NFATC2: variants seen among roughly 807,000 people sequenced by gnomAD.
NFATC2 encodes the protein nuclear factor of activated T cells 2.
Under a neutral mutation model 87.3 loss-of-function variants are expected in NFATC2, and 22 were observed. The observed-to-expected ratio is 0.25, with a 90% CI of 0.18 to 0.36. The LOEUF is 0.36. Among genes scored for constraint, NFATC2 ranks in the 10% least tolerant of loss-of-function variants. NFATC2 has a pLI of 1.00. For missense variants in NFATC2, 1,149 were observed against 1,259.1 expected, an observed-to-expected ratio of 0.91 and a Z score of 1.32; for synonymous variants, 565 against 542.2, an observed-to-expected ratio of 1.04 and a Z score of -0.58.
intron 8 of NFATC2, among the ~76,000 whole-genome samples, chr20:51,434,225 AGGCTGCC>A (rs1983224065): frequency 1.3e-5 from 2 of 148,474 alleles, no homozygotes; most frequent in African/African-American, 4.9e-5. Context: ...CACCAAGGCA[AGGCTGCC>A]AGGGCAGTCA....
At chr20:51,394,122 C>G (rs552803121) in intron 10 of NFATC2, among the ~76,000 whole-genome samples, 2 of 152,254 alleles carry the variant, frequency 1.3e-5, no homozygotes, top group East Asian at 3.9e-4. Flanking sequence ...GCCCAAACCT[C>G]TCTGGGTAGG....
chr20:51,432,908 A>G lies in NFATC2; in HGVS notation c.2033-152T>C, dbSNP rs531744786. The G allele has an allele frequency of 1.7e-6, 1 of 598,828 alleles. No individual in the cohort carries two copies. Among genetic ancestry groups the G allele is most frequent in the South Asian group, 3.4e-5 (1 of 29,130 alleles). The allele number at this position is 598,828 out of a possible 1,614,324, so 37.1% of individuals were successfully genotyped here. A position where few individuals can be genotyped will look rare whatever the true frequency, so the allele number is the denominator to read the frequency against. ...CCTGTCACTTATCAGCCTTGGGCAA[A>G]AGGCTCCCCATGCAATTGTCTTAGG... is the stretch of plus-strand genomic sequence containing the variant. On this transcript the variant is annotated intron_variant, in intron 8 of 10. Coordinates refer to ENST00000371564, the MANE Select transcript of NFATC2 (RefSeq NM_012340.5). The surrounding 1 kb of genome is among the most constrained non-coding windows in gnomAD (Gnocchi z 4.6).
chr20:51,452,719 C>G (rs1339177671), intron 6 of NFATC2, among the ~76,000 whole-genome samples: 1 of 152,240 alleles, frequency 6.6e-6, no homozygotes, highest in Non-Finnish European at 1.5e-5. Context: ...ACAAAACAAT[C>G]TCGACACTCA....
At chr20:51,494,857 T>G (rs2075961829) in intron 3 of NFATC2, among the ~76,000 whole-genome samples, 1 of 152,120 alleles carries the variant, frequency 6.6e-6, no homozygotes, top group East Asian at 1.9e-4. Flanking sequence ...CTCTGTCCAC[T>G]GAGAAAAGCC....
At chr20:51,495,781 T>C (rs965596628) in intron 3 of NFATC2, among the ~76,000 whole-genome samples, 1 of 152,214 alleles carries the variant, frequency 6.6e-6, no homozygotes, top group Non-Finnish European at 1.5e-5. Flanking sequence ...TCCCATGCAC[T>C]GGCTGGGTCT....
chr20:51,442,276 A>T (rs545459051), intron 6 of NFATC2, among the ~76,000 whole-genome samples: 18 of 152,272 alleles, frequency 1.2e-4, no homozygotes, highest in Admixed American at 9.8e-4. Context: ...TACTAAAAAT[A>T]CAAAAATTAG....
chr20:51,392,710 C>G (rs1001814613), intron 10 of NFATC2, among the ~76,000 whole-genome samples: 1 of 152,180 alleles, frequency 6.6e-6, no homozygotes, highest in Non-Finnish European at 1.5e-5. Context: ...CCTCCTCATA[C>G]TTCCTTTTCT....
chr20:51,440,363 T>C (rs190555510), intron 6 of NFATC2, among the ~76,000 whole-genome samples: 46 of 152,228 alleles, frequency 3.0e-4, no homozygotes, highest in African/African-American at 1.0e-3. Context: ...GTGTCAATAC[T>C]GAGAAAAACA....
At chr20:51,405,498 C>G (rs978363879) in intron 9 of NFATC2, among the ~76,000 whole-genome samples, 1 of 152,194 alleles carries the variant, frequency 6.6e-6, no homozygotes, top group South Asian at 2.1e-4. Flanking sequence ...AGCTTGGCAT[C>G]AGATAGGCAA....
rs529521176 is a variant in NFATC2, at chr20:51,508,885, T to C, written c.1332+7899A>G. ...GCCACCATCCCCTCTGGCCTGGGCC[T>C]CTGCAGCAGCTTCTCCCTGTCCACA... On this transcript the variant is annotated intron_variant, in intron 3 of 10. Transcript: ENST00000371564. 3.0e-4 allele frequency among the ~76,000 whole-genome samples: 45 copies of C among 151,788 alleles called. No homozygotes were observed. In the South Asian group the frequency reaches 9.0e-3, roughly 30 times the overall value.
At chr20:51,417,908 C>T (rs914311691) in intron 9 of NFATC2, among the ~76,000 whole-genome samples, 2 of 152,238 alleles carry the variant, frequency 1.3e-5, no homozygotes, top group African/African-American at 4.8e-5. Context: ...CTAAAGGAGG[C>T]GGCATCCACA....
At chr20:51,528,786 G>A (rs146363394) in intron 1 of NFATC2, among the ~76,000 whole-genome samples, 1 of 152,188 alleles carries the variant, frequency 6.6e-6, no homozygotes, top group Non-Finnish European at 1.5e-5. Flanking sequence ...GAAATGAAGA[G>A]TGCAGTCCTG....
intron 10 of NFATC2, among the ~76,000 whole-genome samples, chr20:51,396,336 G>C (rs1313800308): frequency 6.6e-6 from 1 of 152,016 alleles, no homozygotes; most frequent in African/African-American, 2.4e-5. Context: ...CAGGATGGCT[G>C]CTCAGGATTA....
rs537428249 is a variant in NFATC2 at position 51,474,705 on chromosome 20, G to A, written c.1536-553C>T. Among the ~76,000 whole-genome samples, 9 of 152,244 alleles carry A rather than the reference G, an allele frequency of 5.9e-5. No individual in the cohort carries two copies. The East Asian group carries it at 1.5e-3, about 26-fold the overall frequency. On this transcript the variant is annotated intron_variant, in intron 4 of 10. Transcript: ENST00000371564. The stretch of plus-strand genomic sequence containing the variant: ...TTCAGGAGTTCTTTGTACACTTCTT[G>A]CAGTATTTCTGTAAGTTTGAATTTA...
chr20:51,408,635 C>CA lies in NFATC2; in HGVS notation c.2723-9906dup, dbSNP rs559890853. Among the ~76,000 whole-genome samples the CA allele has an allele frequency of 1.7e-4, 25 of 151,386 alleles. No homozygotes were observed. In the South Asian group the frequency reaches 1.9e-3, roughly 11 times the overall value. On this transcript the variant is annotated intron_variant, in intron 9 of 10. Transcript: ENST00000371564. Reference sequence around the variant, plus strand: ...GGTTGGTGATAACTAGTTATCCATACAAAAAAACAGTGAAATTAGAACCTT... The same window carrying CA: ...GGTTGGTGATAACTAGTTATCCATACAAAAAAAACAGTGAAATTAGAACCTT...
intron 3 of NFATC2, among the ~76,000 whole-genome samples, chr20:51,512,301 C>T (rs1479812128): frequency 2.0e-5 from 3 of 152,216 alleles, no homozygotes; most frequent in South Asian, 2.1e-4. Context: ...CACGTCCCAC[C>T]GTGAGTCCAG....
intron 9 of NFATC2, among the ~76,000 whole-genome samples, chr20:51,418,928 T>C (rs182088544): frequency 2.0e-5 from 3 of 151,612 alleles, no homozygotes; most frequent in Non-Finnish European, 4.4e-5. Flanking sequence ...CTTCCCAAAG[T>C]GCTGGGATTA....
At chr20:51,475,135 A>T (rs901979496) in intron 4 of NFATC2, among the ~76,000 whole-genome samples, 3 of 151,666 alleles carry the variant, frequency 2.0e-5, no homozygotes, top group South Asian at 2.1e-4. Context: ...TACCCAGCTA[A>T]TTTTTGTATG....
At chr20:51,391,872 T>C (rs1986394905) in intron 10 of NFATC2, among the ~76,000 whole-genome samples, 1 of 152,200 alleles carries the variant, frequency 6.6e-6, no homozygotes, top group Non-Finnish European at 1.5e-5. Context: ...TATTTGACAA[T>C]TTTTAATATA....
Sources: allele counts gnomAD v4.1 joint callset (sites outside exome capture counted in the v4.1 genomes callset), GRCh38; gene constraint gnomAD v4.1.1; non-coding constraint Gnocchi (gnomAD v3.1); transcripts MANE v1.5; gene names NCBI Gene and HGNC (gene_info 2026-07-23, HGNC 2026-07-21).